The following TEX14 variants were observed in gnomAD, a reference collection of about 807,000 sequenced individuals.
TEX14 encodes the protein testis expressed 14, intercellular bridge forming factor.
In TEX14, 168 loss-of-function variants were observed where a neutral mutation model predicts 178.6. That is an observed-to-expected ratio of 0.94 (90% CI 0.83 to 1.07). The LOEUF (loss-of-function observed/expected upper bound fraction) is 1.07, where lower values mean the gene tolerates loss of function less well. Ranked by LOEUF, TEX14 falls within the 50% of genes least tolerant of loss-of-function variation. The pLI, the probability that TEX14 is intolerant of heterozygous loss-of-function variation, is 0.00. For synonymous variants in TEX14, 626 were observed against 634.1 expected, an observed-to-expected ratio of 0.99 and a Z score of 0.19; for missense variants, 1,730 against 1,753.6, an observed-to-expected ratio of 0.99 and a Z score of 0.24.
intron 14 of TEX14, 78 bp from the exon 15 acceptor site, chr17:58,593,739 C>A: frequency 8.2e-7 from 1 of 1,224,642 alleles, no homozygotes; most frequent in Non-Finnish European, 1.2e-6. Context: ...ATTTTCAAAG[C>A]CATTCTTGCT....
chr17:58,601,722 T>C, intron 13 of TEX14, 84 bp downstream of exon 13: 1 of 1,274,876 alleles, frequency 7.8e-7, no homozygotes. Context: ...ATCTACAGTT[T>C]AGAGGAGTCA....
intron 2 of TEX14, among the ~76,000 whole-genome samples, chr17:58,644,042 C>T (rs2046639099): frequency 6.6e-6 from 1 of 151,802 alleles, no homozygotes; most frequent in South Asian, 2.1e-4. Context: ...GGTAGGTTAC[C>T]AAAAAGACCA....
intron 15 of TEX14, 94 bp downstream of exon 15, chr17:58,593,461 T>G: frequency 1.1e-6 from 1 of 940,686 alleles, no homozygotes; most frequent in Non-Finnish European, 1.7e-6. Context: ...ACAGTCCTTT[T>G]GTCACTAGAC....
chr17:58,611,367 A>G lies in TEX14; in HGVS notation c.1006-28T>C, dbSNP rs572222929. The G allele has an allele frequency of 2.3e-5, 36 of 1,557,152 alleles. No homozygotes were observed. In the Admixed American group the frequency reaches 4.9e-4, roughly 21 times the overall value. ...GCAAGCAAGAGATGAAATGCCACGA[A>G]AAAAAAAAGGACTGGGGCCCTGACA... is the stretch of plus-strand genomic sequence containing the variant. On this transcript the variant is annotated intron_variant, in intron 9 of 31. Transcript: ENST00000349033.
chr17:58,613,460 G>A lies in TEX14; in HGVS notation c.966C>T (p.Arg322=). 6.2e-7 allele frequency: 1 copy of A among 1,614,132 alleles called. No homozygotes were observed. The highest frequency in any genetic ancestry group is 2.2e-5 in the East Asian group (1 of 44,880). Reference sequence around the variant, plus strand: ...CACTGAACAATGTGCCGATAGTGATGCGCTCGTACACAAGGCGGGTTTTCT... The same window carrying A: ...CACTGAACAATGTGCCGATAGTGATACGCTCGTACACAAGGCGGGTTTTCT... The part of the protein sequence containing the change: ...DLEKTRLVYE[R]ITIGTLFSVL... Residue 322 remains arginine (R), a synonymous_variant, in exon 9 of 32, where the codon CGC becomes CGT. Transcript: ENST00000349033.
intron 3 of TEX14, 45 bp from the exon 4 acceptor site, chr17:58,623,057 TGCATTCCATGGA>T (rs2046038648): frequency 6.5e-7 from 1 of 1,542,810 alleles, no homozygotes; most frequent in Non-Finnish European, 8.9e-7. Context: ...GCAATGCTCC[TGCATTCCATGGA>T]GCGGGGCTCA....
At chr17:58,616,639 G>A (rs2045880234) in intron 6 of TEX14, among the ~76,000 whole-genome samples, 1 of 152,028 alleles carries the variant, frequency 6.6e-6, no homozygotes, top group Non-Finnish European at 1.5e-5. Flanking sequence ...ATGTTGGCTG[G>A]TGTCAAAGTC....
At chr17:58,593,403 C>G (rs983851369) in intron 15 of TEX14, 152 bp downstream of exon 15, 14 of 628,304 alleles carry the variant, frequency 2.2e-5, no homozygotes, top group Non-Finnish European at 3.4e-5. Flanking sequence ...TCTTCCTACT[C>G]ACTCAGTGGG....
intron 1 of TEX14, among the ~76,000 whole-genome samples, chr17:58,656,613 G>A (rs1331788177): frequency 6.6e-6 from 1 of 150,962 alleles, no homozygotes; most frequent in East Asian, 2.0e-4. Context: ...AATTAGCCAT[G>A]TGTGGTGGTG....
chr17:58,594,174 C>T (rs2045224505), intron 14 of TEX14, among the ~76,000 whole-genome samples: 2 of 151,906 alleles, frequency 1.3e-5, no homozygotes, highest in Non-Finnish European at 2.9e-5. Context: ...CTCCAGGAAC[C>T]TAGCCCAGAC....
At chr17:58,611,004 G>T (rs1416130125) in intron 10 of TEX14, among the ~76,000 whole-genome samples, 157 bp downstream of exon 10, 1 of 152,130 alleles carries the variant, frequency 6.6e-6, no homozygotes, top group African/African-American at 2.4e-5. Flanking sequence ...CTCTAGCCTT[G>T]GCAGACAGGG....
In TEX14 at chr17:58,587,650, C is replaced by G; in HGVS notation, c.2719G>C (p.Val907Leu). The change falls in exon 17 of 32, where the codon GTT (valine) becomes CTT (leucine). Residue 907 changes from valine to leucine, a missense_variant. Around this residue, in one of 2 missense-constraint regions of TEX14, gnomAD observed 941 missense variants for 1,072.4 expected, o/e 0.88. Coordinates refer to ENST00000349033, the MANE Select transcript of TEX14 (RefSeq NM_031272.5). ...WDSTRMSVEPVSSEIYNAESR... is the reference protein window; with the variant it reads ...WDSTRMSVEPLSSEIYNAESR... ...TCTGCATTATAGATTTCAGAAGAAA[C>G]AGGTTCCACACTCATCCTGAATTGC... 2 of 1,606,094 alleles carry G rather than the reference C, an allele frequency of 1.2e-6. No homozygotes were observed. Among genetic ancestry groups the G allele is most frequent in the East Asian group, 4.5e-5 (2 of 44,850 alleles).
At chr17:58,611,455 A>C (rs1208582114) in intron 9 of TEX14, 116 bp from the exon 10 acceptor site, 2 of 750,148 alleles carry the variant, frequency 2.7e-6, no homozygotes, top group Non-Finnish European at 4.3e-6. Flanking sequence ...AAGGATCCCC[A>C]TTTTACAGAT....
intron 1 of TEX14, chr17:58,679,659 T>G (rs1215301499): frequency 6.6e-6 from 1 of 152,240 alleles, no homozygotes; most frequent in Non-Finnish European, 1.5e-5. Flanking sequence ...CCACCTTTAA[T>G]GATCATGTTA....
At chr17:58,613,572 G>A in intron 8 of TEX14, 28 bp from the exon 9 acceptor site, 1 of 1,612,422 alleles carries the variant, frequency 6.2e-7, no homozygotes, top group Non-Finnish European at 8.5e-7. Context: ...CTTCAGATAA[G>A]GCAGGTGAGA....
At chr17:58,625,767 GTC>G (rs1215478094) in intron 3 of TEX14, among the ~76,000 whole-genome samples, 1 of 152,092 alleles carries the variant, frequency 6.6e-6, no homozygotes, top group African/African-American at 2.4e-5. Flanking sequence ...TTGAGACAGA[GTC>G]TCTGTCTGCC....
chr17:58,632,064 C>T (rs2046332712), intron 2 of TEX14, among the ~76,000 whole-genome samples: 2 of 152,216 alleles, frequency 1.3e-5, no homozygotes, highest in African/African-American at 4.8e-5. Context: ...ATGCAAATCA[C>T]TCAGAGCTCC....
intron 9 of TEX14, 124 bp downstream of exon 9, chr17:58,613,297 A>T (rs2045791147): frequency 8.0e-7 from 1 of 1,252,464 alleles, no homozygotes; most frequent in East Asian, 2.3e-5. Context: ...CCTATAAAGC[A>T]AAAGAATAAA....
At chr17:58,624,981 A>G (rs2046100417) in intron 3 of TEX14, among the ~76,000 whole-genome samples, 1 of 152,178 alleles carries the variant, frequency 6.6e-6, no homozygotes, top group South Asian at 2.1e-4. Context: ...TATAGGAACC[A>G]CTGATCCCAT....
Sources: allele counts gnomAD v4.1 joint callset (sites outside exome capture counted in the v4.1 genomes callset), GRCh38; gene constraint gnomAD v4.1.1; regional missense constraint gnomAD v4.1.1; transcripts MANE v1.5; gene names NCBI Gene and HGNC (gene_info 2026-07-23, HGNC 2026-07-21).